SGCD: variants seen among roughly 807,000 people sequenced by gnomAD.
SGCD encodes the protein delta-sarcoglycan.
A neutral mutation model predicts 36.6 loss-of-function variants in SGCD; 18 were observed. The ratio of observed to expected loss-of-function variants is 0.49; its 90% confidence interval spans 0.34 to 0.73. The LOEUF (loss-of-function observed/expected upper bound fraction) is 0.73, where lower values mean the gene tolerates loss of function less well. Ranked by LOEUF, SGCD falls within the 30% of genes least tolerant of loss-of-function variation. SGCD has a pLI of 0.01. For synonymous variants in SGCD, 133 were observed against 130.6 expected, an observed-to-expected ratio of 1.02 and a Z score of -0.12; for missense variants, 387 against 346.7, an observed-to-expected ratio of 1.12 and a Z score of -0.92.
intron 7 of SGCD, among the ~76,000 whole-genome samples, chr5:156,742,427 A>G (rs958434219): frequency 6.6e-6 from 1 of 152,020 alleles, no homozygotes; most frequent in Admixed American, 6.6e-5. Context: ...GCTGACCTCC[A>G]CCATCTACTG....
intron 1 of SGCD, among the ~76,000 whole-genome samples, chr5:156,068,572 G>A (rs372022461): frequency 7.3e-5 from 11 of 151,666 alleles, no homozygotes; most frequent in African/African-American, 1.7e-4. Context: ...GAATAGTGCC[G>A]CAGTATACAT....
chr5:155,860,350 T>C, the SGCD span, among the ~76,000 whole-genome samples: 1 of 152,356 alleles, frequency 6.6e-6, no homozygotes, highest in South Asian at 2.1e-4. Context: ...TTTAACCTAT[T>C]GGTATATTTT....
chr5:156,173,744 C>A (rs148016021), intron 3 of SGCD, among the ~76,000 whole-genome samples: 5 of 151,870 alleles, frequency 3.3e-5, no homozygotes, highest in East Asian at 1.9e-4. Flanking sequence ...AATATGTTTT[C>A]TTTTCTTTAG....
At chr5:156,142,909 A>T (rs1160891736) in intron 3 of SGCD, among the ~76,000 whole-genome samples, 1 of 152,238 alleles carries the variant, frequency 6.6e-6, no homozygotes, top group African/African-American at 2.4e-5. Flanking sequence ...TAGGAGAATA[A>T]TTCAAATAGG....
At chr5:156,193,645 T>A (rs1763948563) in intron 3 of SGCD, among the ~76,000 whole-genome samples, 1 of 152,160 alleles carries the variant, frequency 6.6e-6, no homozygotes, top group Admixed American at 6.5e-5. Flanking sequence ...AGGATTCTCC[T>A]TTGACCGAAA....
At chr5:156,034,633 G>A (rs534857208) in intron 1 of SGCD, among the ~76,000 whole-genome samples, 74 of 152,300 alleles carry the variant, frequency 4.9e-4, no homozygotes, top group South Asian at 1.9e-3. Context: ...TACTGAGAAA[G>A]TTATTCTCAG....
chr5:156,382,763 A>G (rs543509086), intron 3 of SGCD, among the ~76,000 whole-genome samples: 2 of 152,300 alleles, frequency 1.3e-5, no homozygotes, highest in Non-Finnish European at 2.9e-5. Flanking sequence ...CTCATTTGAG[A>G]TGTCTAGAAT....
chr5:156,145,325 G>T (rs189514951), intron 3 of SGCD, among the ~76,000 whole-genome samples: 1 of 152,104 alleles, frequency 6.6e-6, no homozygotes, highest in Non-Finnish European at 1.5e-5. Context: ...TGAGGCCTCC[G>T]CAGAAGCTGA....
At chr5:156,476,218 A>C (rs1449807641) in intron 3 of SGCD, among the ~76,000 whole-genome samples, 6 of 152,354 alleles carry the variant, frequency 3.9e-5, no homozygotes, top group African/African-American at 1.4e-4. Context: ...GCCTGTCAGC[A>C]ACCTCCAGTG....
chr5:156,649,486 A>G (rs1763371216), intron 7 of SGCD, among the ~76,000 whole-genome samples: 1 of 152,212 alleles, frequency 6.6e-6, no homozygotes, highest in Non-Finnish European at 1.5e-5. Flanking sequence ...GATAGACTGG[A>G]TTAAGAAAAT....
intron 4 of SGCD, among the ~76,000 whole-genome samples, chr5:156,587,630 C>A (rs1308344939): frequency 2.0e-5 from 3 of 152,144 alleles, no homozygotes; most frequent in Non-Finnish European, 4.4e-5. Context: ...GTCTGCATCC[C>A]CACCAGTTTT....
At chr5:155,770,832 AT>A in the SGCD span, among the ~76,000 whole-genome samples, 1 of 152,180 alleles carries the variant, frequency 6.6e-6, no homozygotes, top group East Asian at 1.9e-4. Flanking sequence ...CGATAAGTTC[AT>A]AAAAAGGTAA....
chr5:155,885,775 A>G (rs542998195), intron 1 of SGCD, among the ~76,000 whole-genome samples: 1 of 151,102 alleles, frequency 6.6e-6, no homozygotes, highest in Non-Finnish European at 1.5e-5. Flanking sequence ...AAATAACACC[A>G]TAAATCTTCA....
At chr5:155,804,342 T>A in the SGCD span, among the ~76,000 whole-genome samples, 4 of 152,250 alleles carry the variant, frequency 2.6e-5, no homozygotes, top group Non-Finnish European at 5.9e-5. Flanking sequence ...TTGTCCACAT[T>A]ACCCTGTTAG....
intron 3 of SGCD, among the ~76,000 whole-genome samples, chr5:156,259,584 G>A (rs1765800965): frequency 6.6e-6 from 1 of 151,988 alleles, no homozygotes; most frequent in Non-Finnish European, 1.5e-5. Flanking sequence ...TTAGGTTTGT[G>A]ATCCATATCA....
chr5:156,209,830 C>T (rs920446378), intron 3 of SGCD, among the ~76,000 whole-genome samples: 1 of 152,100 alleles, frequency 6.6e-6, no homozygotes, highest in Non-Finnish European at 1.5e-5. Context: ...CCCAGAACCC[C>T]TCTGAAGACC....
At chr5:156,118,488 G>A (rs190348359) in intron 2 of SGCD, among the ~76,000 whole-genome samples, 4 of 152,172 alleles carry the variant, frequency 2.6e-5, no homozygotes, top group East Asian at 3.9e-4. Flanking sequence ...GAGTCAGGGC[G>A]GGCATCTATT....
intron 3 of SGCD, among the ~76,000 whole-genome samples, chr5:156,171,092 G>A (rs7726257): frequency 0.26 from 40,094 of 151,974 alleles, 5,672 homozygotes; most frequent in East Asian, 0.57. Flanking sequence ...TTGCGGTTTG[G>A]ACATTGGAAA....
chr5:156,289,855 T>G (rs898736519), intron 3 of SGCD, among the ~76,000 whole-genome samples: 5 of 152,100 alleles, frequency 3.3e-5, no homozygotes, highest in African/African-American at 7.2e-5. Context: ...GAGAACCTAC[T>G]GTATGCAAAG....
Sources: allele counts gnomAD v4.1 joint callset (sites outside exome capture counted in the v4.1 genomes callset), GRCh38; gene constraint gnomAD v4.1.1; transcripts MANE v1.5; gene names NCBI Gene and HGNC (gene_info 2026-07-23, HGNC 2026-07-21).